CYP4F11: variants seen among roughly 807,000 people sequenced by gnomAD.
CYP4F11 encodes the protein cytochrome P450 family 4 subfamily F member 11, also known as cytochrome P450 4F11.
Under a neutral mutation model 62.2 loss-of-function variants are expected in CYP4F11, and 79 were observed. The ratio of observed to expected loss-of-function variants is 1.27; its 90% CI spans 1.06 to 1.53. CYP4F11 has a LOEUF of 1.53. Among genes scored for constraint, CYP4F11 ranks in the 40% most tolerant of loss-of-function variants. The pLI, the probability that CYP4F11 is intolerant of heterozygous loss-of-function variation, is 0.00. For synonymous variants in CYP4F11, 290 were observed against 263.7 expected (o/e 1.10, Z -0.97); for missense variants, 777 against 680.5 (o/e 1.14, Z -1.58).
intron 1 of CYP4F11, among the ~76,000 whole-genome samples, 165 bp downstream of exon 1, chr19:15,934,045 GA>G (rs2089754663): frequency 1.3e-5 from 1 of 74,702 alleles, no homozygotes; most frequent in Non-Finnish European, 3.2e-5. Context: ...AGTGAGCGGG[GA>G]GAGGAATGAG....
chr19:15,922,793 C>T (rs2089638886), intron 6 of CYP4F11, among the ~76,000 whole-genome samples: 1 of 152,178 alleles, frequency 6.6e-6, no homozygotes, highest in Non-Finnish European at 1.5e-5. Flanking sequence ...ATGGCTCACG[C>T]CTATAATCCC....
chr19:15,913,823 T>C lies in CYP4F11; in HGVS notation c.1484A>G (p.His495Arg), dbSNP rs774354025. ...TLLHFRILPTHTEPRRKPELI... is the reference protein window; with the variant it reads ...TLLHFRILPTRTEPRRKPELI... ...CTCGGGTTTCCTGCGGGGTTCAGTG[T>C]GGGTCGGCAGGATGCGGAAGTGCAG... The change falls in exon 12 of 12, where the codon CAC becomes CGC. Residue 495 changes from histidine (H) to arginine (R), a missense_variant. By Grantham distance (29) the His-to-Arg change is conservative. Coordinates refer to ENST00000402119, the MANE Select transcript of CYP4F11 (RefSeq NM_021187.4). 31 of 1,614,042 alleles carry C rather than the reference T, an allele frequency of 1.9e-5. No homozygotes were observed. Among genetic ancestry groups the C allele is most frequent in the Non-Finnish European group, 2.6e-5 (31 of 1,180,014 alleles).
chr19:15,920,914 C>T (rs977951306), intron 8 of CYP4F11, among the ~76,000 whole-genome samples: 3 of 151,870 alleles, frequency 2.0e-5, no homozygotes, highest in African/African-American at 7.3e-5. Flanking sequence ...TTCTTTCTCT[C>T]TTGCTTTCCT....
At chr19:15,915,063 G>T (rs960191665) in intron 8 of CYP4F11, among the ~76,000 whole-genome samples, 168 bp from the exon 9 acceptor site, 2 of 152,048 alleles carry the variant, frequency 1.3e-5, no homozygotes, top group Non-Finnish European at 2.9e-5. Context: ...CAGAAAATTA[G>T]AAAAGTACCA....
In CYP4F11 at chr19:15,922,026, C is replaced by A. The variant is rs372111935; in HGVS notation, c.1115+11G>T. On this transcript the variant is annotated intron_variant, in intron 8 of 11. Transcript: ENST00000402119. ...ACAAAAGATCAGGAACAGGCCAGCA[C>A]CTGCACTCACCATTCAATCTCTATA... is the stretch of plus-strand genomic sequence containing the variant. 16 of 1,591,400 alleles carry A rather than the reference C, an allele frequency of 1.0e-5. No individual in the cohort carries two copies. Among genetic ancestry groups the A allele is most frequent in the Non-Finnish European group, 1.4e-5 (16 of 1,169,988 alleles).
Position 15,929,608 on chromosome 19 carries a change from A to G in CYP4F11, c.199-7T>C, listed in dbSNP as rs1248413696. On this transcript the variant is annotated splice_region_variant and splice_polypyrimidine_tract_variant and intron_variant, in intron 1 of 11. Coordinates refer to ENST00000402119, the MANE Select transcript of CYP4F11 (RefSeq NM_021187.4). ...CCTCTTCCGTGGGAGTGACCTGAAA[A>G]CAAGGCAGAGGCCGTCAGCCCTTGT... 1 of 1,586,230 alleles carries G rather than the reference A, an allele frequency of 6.3e-7. No individual in the cohort carries two copies. Among genetic ancestry groups the G allele is most frequent in the Non-Finnish European group, 8.6e-7 (1 of 1,164,816 alleles).
intron 10 of CYP4F11, 85 bp downstream of exon 10, chr19:15,914,516 GT>G: frequency 6.4e-7 from 1 of 1,570,688 alleles, no homozygotes; most frequent in Non-Finnish European, 8.7e-7. Context: ...GAGAGGTGAT[GT>G]TGGATTTTCC....
At chr19:15,919,911 T>C (rs1398455037) in intron 8 of CYP4F11, among the ~76,000 whole-genome samples, 3 of 152,160 alleles carry the variant, frequency 2.0e-5, no homozygotes, top group African/African-American at 7.2e-5. Context: ...AAATGGTGGT[T>C]GCCAGAGGAG....
intron 1 of CYP4F11, 89 bp from the exon 2 acceptor site, chr19:15,929,690 A>G: frequency 7.1e-7 from 1 of 1,410,956 alleles, no homozygotes; most frequent in Non-Finnish European, 9.6e-7. Context: ...CCGAGCCAAG[A>G]GATGCCCAGA....
chr19:15,925,021 C>T (rs1404677607), intron 4 of CYP4F11, 139 bp from the exon 5 acceptor site: 6 of 966,344 alleles, frequency 6.2e-6, no homozygotes, highest in Non-Finnish European at 5.8e-6. Flanking sequence ...AAGGACCAGC[C>T]TTGGATAGGA....
Position 15,924,878 on chromosome 19 carries a change from T to A in CYP4F11, c.530A>T (p.Lys177Met). ...FNKSVNIMHD[K>M]WQRLASEGSA... ...GCCCTCTGAGGCCAGGCGCTGCCACTTGTCCTGGCCAGAGAAAAAACAGAG... is the reference window on the plus strand; with the variant it reads ...GCCCTCTGAGGCCAGGCGCTGCCACATGTCCTGGCCAGAGAAAAAACAGAG... Residue 177 changes from lysine to methionine, a missense_variant, in exon 5 of 12, where the codon AAG becomes ATG. Coordinates refer to ENST00000402119, the MANE Select transcript of CYP4F11 (RefSeq NM_021187.4). 6.2e-7 allele frequency: 1 copy of A among 1,610,682 alleles called. No individual in the cohort carries two copies. Among genetic ancestry groups the A allele is most frequent in the Middle Eastern group, 1.7e-4 (1 of 6,042 alleles).
rs59091525 is a variant in CYP4F11 at position 15,912,680 on chromosome 19, A to AAAAAAAAAAAATATATAT, written c.*1051_*1052insATATATATTTTTTTTTTT. The stretch of plus-strand genomic sequence containing the variant: ...TCACCATCCTCAGGAAAAAAAAAAA[A>AAAAAAAAAAAATATATAT]ATATATATATATATATATGTGTGTG... On this transcript the variant is annotated 3_prime_UTR_variant, in exon 12 of 12. Coordinates refer to ENST00000402119, the MANE Select transcript of CYP4F11 (RefSeq NM_021187.4). 1.5e-5 allele frequency: 1 copy of AAAAAAAAAAAATATATAT among 66,172 alleles called. No homozygotes were observed. Among genetic ancestry groups the AAAAAAAAAAAATATATAT allele is most frequent in the African/African-American group, 6.4e-5 (1 of 15,512 alleles). 4.1% of individuals were successfully genotyped at this position (66,172 alleles called of 1,614,324 possible).
At chr19:15,919,835 T>C (rs1161920384) in intron 8 of CYP4F11, among the ~76,000 whole-genome samples, 3 of 152,072 alleles carry the variant, frequency 2.0e-5, no homozygotes, top group African/African-American at 7.2e-5. Context: ...AGAAGACAAA[T>C]AGCAAATGAT....
At chr19:15,915,657 C>G (rs1057124086) in intron 8 of CYP4F11, among the ~76,000 whole-genome samples, 1 of 151,720 alleles carries the variant, frequency 6.6e-6, no homozygotes. Flanking sequence ...TATTCCATAT[C>G]TTTTCTCATT....
Position 15,924,094 on chromosome 19 carries a change from A to T in CYP4F11, c.648-12T>A. The T allele has an allele frequency of 6.2e-7, 1 of 1,611,184 alleles. No individual in the cohort carries two copies. The highest frequency in any genetic ancestry group is 8.5e-7 in the Non-Finnish European group (1 of 1,177,902). ...ATTCACTGGGCTTCCTGCATGAAGG[A>T]GGTAACAACTTAACATATGCAAAGT... On this transcript the variant is annotated splice_polypyrimidine_tract_variant and intron_variant, in intron 5 of 11. Transcript: ENST00000402119.
At chr19:15,920,846 A>G (rs778790938) in intron 8 of CYP4F11, among the ~76,000 whole-genome samples, 2 of 151,764 alleles carry the variant, frequency 1.3e-5, no homozygotes, top group Non-Finnish European at 2.9e-5. Context: ...TCATCATCTC[A>G]TCATGACTCA....
chr19:15,914,952 G>A, intron 8 of CYP4F11, 57 bp from the exon 9 acceptor site: 1 of 1,589,836 alleles, frequency 6.3e-7, no homozygotes. Flanking sequence ...CAATTCTCCA[G>A]CTTCTCTGTT....
chr19:15,934,021 T>TGATCGGGGAGAGGAATGAGTGAGC (rs2089754090), intron 1 of CYP4F11, among the ~76,000 whole-genome samples, 190 bp downstream of exon 1: 1 of 28,276 alleles, frequency 3.5e-5, no homozygotes, highest in African/African-American at 1.2e-4. Context: ...AATGAGTGAG[T>TGATCGGGGAGAGGAATGAGTGAGC]GGGCAGAGGA....
In CYP4F11 at chr19:15,923,938, G is replaced by A. The variant is rs778958992; in HGVS notation, c.792C>T (p.His264=). ...QRFRRACHLV[H]DFTDAVIQER... is the part of the protein sequence containing the mutation. ...CCTGGATGACGGCATCTGTGAAGTC[G>A]TGCACCAGGTGGCAGGCCCTGCGGA... Residue 264 remains histidine (H), a synonymous_variant, in exon 6 of 12, where the codon CAC becomes CAT. Coordinates refer to ENST00000402119, the MANE Select transcript of CYP4F11 (RefSeq NM_021187.4). The A allele has an allele frequency of 9.3e-6, 15 of 1,614,198 alleles. 1 individual carries two copies. The highest frequency in any genetic ancestry group is 4.4e-5 in the South Asian group (4 of 91,082).
Sources: allele counts gnomAD v4.1 joint callset (sites outside exome capture counted in the v4.1 genomes callset), GRCh38; gene constraint gnomAD v4.1.1; transcripts MANE v1.5; gene names NCBI Gene and HGNC (gene_info 2026-07-23, HGNC 2026-07-21).